CYFIP1: variants seen among roughly 807,000 people sequenced by gnomAD.
CYFIP1 encodes cytoplasmic FMR1 interacting protein 1, also known as cytoplasmic FMR1-interacting protein 1.
Under a neutral mutation model 163.5 loss-of-function variants are expected in CYFIP1, and 58 were observed. The ratio of observed to expected loss-of-function variants is 0.35; its 90% CI spans 0.29 to 0.44. CYFIP1 has a LOEUF of 0.44. Ranked by LOEUF, CYFIP1 falls within the 20% of genes least tolerant of loss-of-function variation. The pLI is 1.00. For synonymous variants in CYFIP1, 663 were observed against 660.7 expected, an observed-to-expected ratio of 1.00 and a Z score of -0.05; for missense variants, 1,338 against 1,653.8, an observed-to-expected ratio of 0.81 and a Z score of 3.31.
At chr15:22,873,950 G>T (rs982776342) in intron 28 of CYFIP1, among the ~76,000 whole-genome samples, 1 of 152,218 alleles carries the variant, frequency 6.6e-6, no homozygotes, top group Non-Finnish European at 1.5e-5. Flanking sequence ...TAGAGATGGG[G>T]TTTCGCCATG....
intron 1 of CYFIP1, among the ~76,000 whole-genome samples, chr15:22,954,460 G>A (rs1185185017): frequency 1.3e-5 from 2 of 152,182 alleles, no homozygotes; most frequent in South Asian, 2.1e-4. Context: ...AAAATAATAC[G>A]TGCTCCATGC....
At chr15:22,923,884 A>G (rs2061269867) in intron 13 of CYFIP1, among the ~76,000 whole-genome samples, 1 of 149,470 alleles carries the variant, frequency 6.7e-6, no homozygotes, top group Admixed American at 6.8e-5. Context: ...TTGAGGCTGC[A>G]ATAAGCCATA....
rs1171831596 is a variant in CYFIP1, at chr15:22,880,049, G to C, written c.2912-6C>G. 6.2e-7 allele frequency: 1 copy of C among 1,613,548 alleles called. No individual in the cohort carries two copies. Among genetic ancestry groups the C allele is most frequent in the East Asian group, 2.2e-5 (1 of 44,878 alleles). ...GTGGAAGAACTCCAGGATACCTACG[G>C]TGGCGGGAGTGAGGTGGGGTTGGGG... On this transcript the variant is annotated splice_polypyrimidine_tract_variant and splice_region_variant and intron_variant, in intron 25 of 30. Transcript: ENST00000617928.
At chr15:22,932,971 T>C (rs771219531) in intron 10 of CYFIP1, among the ~76,000 whole-genome samples, 1 of 152,108 alleles carries the variant, frequency 6.6e-6, no homozygotes, top group Non-Finnish European at 1.5e-5. Flanking sequence ...TAGCTGGGAC[T>C]ACAGGCGTGT....
chr15:22,937,004 G>T, intron 9 of CYFIP1, 100 bp downstream of exon 9: 1 of 797,374 alleles, frequency 1.3e-6, no homozygotes, highest in Non-Finnish European at 2.1e-6. Context: ...CAGCCCCAGC[G>T]TTTCCTGATA....
chr15:22,883,678 G>C (rs574181304), intron 23 of CYFIP1, among the ~76,000 whole-genome samples: 1 of 151,904 alleles, frequency 6.6e-6, no homozygotes, highest in Non-Finnish European at 1.5e-5. Flanking sequence ...TTAGCCGGGC[G>C]TGGTGGCAGG....
intron 1 of CYFIP1, among the ~76,000 whole-genome samples, chr15:22,976,066 C>T (rs1184981939): frequency 6.6e-6 from 1 of 152,122 alleles, no homozygotes; most frequent in Non-Finnish European, 1.5e-5. Flanking sequence ...TTTCTCTCAT[C>T]TTCAGCATAC....
At chr15:22,920,159 C>CTTT (rs71117470) in intron 13 of CYFIP1, among the ~76,000 whole-genome samples, 1,161 of 75,536 alleles carry the variant, frequency 0.015, 47 homozygotes, top group African/African-American at 0.021. Flanking sequence ...ATTAAGGCAG[C>CTTT]TTTTTTTTTT....
intron 5 of CYFIP1, 109 bp downstream of exon 5, chr15:22,944,449 A>G (rs897451913): frequency 2.7e-6 from 2 of 730,668 alleles, no homozygotes; most frequent in Admixed American, 5.3e-5. Context: ...TGGTTGCTTT[A>G]ATTTGCAGGC....
chr15:22,874,512 C>T (rs1378936250), intron 28 of CYFIP1, 38 bp downstream of exon 28: 1 of 1,497,196 alleles, frequency 6.7e-7, no homozygotes, highest in East Asian at 2.4e-5. Flanking sequence ...CATGGATGCC[C>T]AGCTTGCAAC....
chr15:22,920,243 C>G (rs1010684585), intron 13 of CYFIP1, among the ~76,000 whole-genome samples: 13 of 134,320 alleles, frequency 9.7e-5, no homozygotes, highest in African/African-American at 3.7e-4. Flanking sequence ...TAGCTCACTG[C>G]AGCCTTGAAC....
intron 1 of CYFIP1, among the ~76,000 whole-genome samples, chr15:22,972,393 C>T (rs931619859): frequency 6.6e-6 from 1 of 152,078 alleles, no homozygotes; most frequent in Non-Finnish European, 1.5e-5. Context: ...TCCAAGATTG[C>T]GCCATTGCAC....
chr15:22,895,302 T>C (rs903296356), intron 22 of CYFIP1, among the ~76,000 whole-genome samples: 4 of 152,088 alleles, frequency 2.6e-5, no homozygotes, highest in African/African-American at 7.2e-5. Context: ...GCGTAAGCCA[T>C]TGTGCTTGGC....
At chr15:22,895,214 CTG>C (rs2060205639) in intron 22 of CYFIP1, among the ~76,000 whole-genome samples, 1 of 152,134 alleles carries the variant, frequency 6.6e-6, no homozygotes, top group Non-Finnish European at 1.5e-5. Flanking sequence ...TGGGGTTTCA[CTG>C]TGTTAGCCAG....
intron 6 of CYFIP1, among the ~76,000 whole-genome samples, chr15:22,939,850 G>C (rs1228171122): frequency 6.6e-6 from 1 of 152,114 alleles, no homozygotes. Context: ...AGGGCTCCTG[G>C]ACCCCGAGTC....
At chr15:22,955,221 G>T (rs2062403703) in intron 1 of CYFIP1, among the ~76,000 whole-genome samples, 1 of 152,198 alleles carries the variant, frequency 6.6e-6, no homozygotes, top group Non-Finnish European at 1.5e-5. Context: ...CTCAAGAAGT[G>T]GTCCTCACAG....
At position 22,909,364 on chromosome 15, in the gene CYFIP1, G is replaced by A. The variant is rs75639867; in HGVS notation, c.2269-51C>T. 2,321 of 1,602,340 alleles carry A rather than the reference G, an allele frequency of 1.4e-3. 27 individuals carry two copies. In the African/African-American group the frequency reaches 0.026, roughly 18 times the overall value. On this transcript the variant is annotated intron_variant, in intron 20 of 30. Coordinates refer to ENST00000617928, the MANE Select transcript of CYFIP1 (RefSeq NM_014608.6). ...GGTAAAGAGTGGACATGAGCAGCTC[G>A]AAAACAACAAACGCCTCACCAGAGA... is the stretch of plus-strand genomic sequence containing the variant.
At chr15:22,958,698 C>G (rs894143313) in intron 1 of CYFIP1, among the ~76,000 whole-genome samples, 1 of 152,122 alleles carries the variant, frequency 6.6e-6, no homozygotes, top group African/African-American at 2.4e-5. Flanking sequence ...CCCCAGGCAC[C>G]GCCAAACCTG....
At chr15:22,894,810 T>C (rs529311707) in intron 22 of CYFIP1, among the ~76,000 whole-genome samples, 1 of 147,764 alleles carries the variant, frequency 6.8e-6, no homozygotes, top group African/African-American at 2.5e-5. Flanking sequence ...CATGTATTTA[T>C]TCTATATAAT....
Sources: gnomAD v4.1 joint callset for allele counts (sites outside exome capture counted in the v4.1 genomes callset) on GRCh38, gnomAD v4.1.1 for gene constraint, MANE v1.5 for transcripts, NCBI Gene and HGNC (gene_info 2026-07-23, HGNC 2026-07-21) for gene names.